The following GTF3C5 variants were observed in gnomAD, a reference collection of about 807,000 sequenced individuals.
GTF3C5 encodes general transcription factor 3C polypeptide 5.
GTF3C5 carries 47 observed loss-of-function variants against 61.0 expected under a neutral mutation model. The observed-to-expected ratio is 0.77, with a 90% confidence interval of 0.61 to 0.98. The LOEUF (loss-of-function observed/expected upper bound fraction) is 0.98, where lower values mean the gene tolerates loss of function less well. GTF3C5 is among the 50% of genes least tolerant of loss of function. The pLI is 0.00. For missense variants in GTF3C5, 659 were observed against 703.3 expected (o/e 0.94, Z 0.71); for synonymous variants, 295 against 275.4 (o/e 1.07, Z -0.71).
Position 133,031,043 on chromosome 9 carries a change from G to T in GTF3C5, c.32G>T (p.Gly11Val), listed in dbSNP as rs1170733382. ...GCGGAGGCGGCCGATTTGGGGCTGG[G>T]GGCCGCCGTCCCCGTGGAGCTGAGG... MAAEAADLGL[G>V]AAVPVELRRE... is the part of the protein sequence containing the mutation. The change falls in exon 1 of 11, where the codon GGG becomes GTG. Residue 11 changes from glycine (G) to valine (V), a missense_variant. Coordinates refer to ENST00000372097, the MANE Select transcript of GTF3C5 (RefSeq NM_012087.4). 1.9e-6 allele frequency: 3 copies of T among 1,612,120 alleles called. No homozygotes were observed. The highest frequency in any genetic ancestry group is 2.5e-6 in the Non-Finnish European group (3 of 1,179,234).
chr9:133,031,945 G>A (rs906132044), intron 1 of GTF3C5, among the ~76,000 whole-genome samples: 1 of 152,146 alleles, frequency 6.6e-6, no homozygotes, highest in Non-Finnish European at 1.5e-5. Context: ...CTGAAACTAG[G>A]GGCAAGGAGG....
At chr9:133,045,059 C>CA (rs1850160543) in intron 3 of GTF3C5, among the ~76,000 whole-genome samples, 1 of 152,186 alleles carries the variant, frequency 6.6e-6, no homozygotes, top group South Asian at 2.1e-4. Flanking sequence ...GTCAAATTGT[C>CA]AAATGCCATA....
In GTF3C5 at chr9:133,046,009, C is replaced by T. The variant is rs189421576; in HGVS notation, c.572+2083C>T. ...TAATTGTTCCATAGCATGTTTTAAG[C>T]TTCCAAAAATGCAGCCCTCAAGAGA... On this transcript the variant is annotated intron_variant, in intron 3 of 10. Coordinates refer to ENST00000372097, the MANE Select transcript of GTF3C5 (RefSeq NM_012087.4). Among the ~76,000 whole-genome samples, 151 of 152,242 alleles carry T rather than the reference C, an allele frequency of 9.9e-4. 2 individuals are homozygous for T. Among genetic ancestry groups the T allele is most frequent in the Admixed American group, 9.7e-3 (148 of 15,292 alleles).
intron 3 of GTF3C5, among the ~76,000 whole-genome samples, chr9:133,046,464 G>C (rs1462709277): frequency 6.6e-6 from 1 of 152,226 alleles, no homozygotes; most frequent in Non-Finnish European, 1.5e-5. Context: ...ATAAATGGTG[G>C]TGTGATAACA....
At chr9:133,041,176 A>G (rs1391817714) in intron 1 of GTF3C5, among the ~76,000 whole-genome samples, 1 of 152,146 alleles carries the variant, frequency 6.6e-6, no homozygotes, top group Admixed American at 6.5e-5. Context: ...TCAAGGAAAA[A>G]CACCCGCTAC....
chr9:133,038,617 A>ATT (rs1325805618), intron 1 of GTF3C5, among the ~76,000 whole-genome samples: 2 of 148,074 alleles, frequency 1.4e-5, no homozygotes, highest in African/African-American at 5.0e-5. Flanking sequence ...CGCCCGGCTA[A>ATT]TTTTTGTTTT....
At position 133,054,767 on chromosome 9, in the gene GTF3C5, G is replaced by A. The variant is rs749038131; in HGVS notation, c.1125G>A (p.Thr375=). Reference sequence around the variant, plus strand: ...AGCAGGGCCTGGGCCCGTCGGGGACGAGTGGTGCTCGGAAACCAGCTTCCA... The same window carrying A: ...AGCAGGGCCTGGGCCCGTCGGGGACAAGTGGTGCTCGGAAACCAGCTTCCA... ...DLKQGLGPSG[T]SGARKPASSK... is the part of the protein sequence containing the mutation. The change falls in exon 8 of 11, where the codon ACG becomes ACA. Residue 375 remains threonine (T), a synonymous_variant. Transcript: ENST00000372097. The A allele has an allele frequency of 8.2e-6, 13 of 1,584,878 alleles. No individual in the cohort carries two copies. Among genetic ancestry groups the A allele is most frequent in the Middle Eastern group, 1.7e-4 (1 of 6,048 alleles).
chr9:133,033,670 C>T (rs751715244), intron 1 of GTF3C5, among the ~76,000 whole-genome samples: 4 of 152,114 alleles, frequency 2.6e-5, no homozygotes, highest in Non-Finnish European at 4.4e-5. Context: ...AAAGAGCTAC[C>T]GTACAGCCCA....
At chr9:133,057,690 C>T (rs1272431727) in intron 10 of GTF3C5, 124 bp from the exon 11 acceptor site, 2 of 853,690 alleles carry the variant, frequency 2.3e-6, no homozygotes, top group African/African-American at 3.4e-5. Flanking sequence ...TACCCACCAG[C>T]TTCTTAAGAG....
At chr9:133,044,077 G>A (rs554422821) in intron 3 of GTF3C5, 151 bp downstream of exon 3, 58 of 595,106 alleles carry the variant, frequency 9.7e-5, no homozygotes, top group East Asian at 4.2e-4. Context: ...CCCAGGAGGC[G>A]GAGGTTGCAG....
chr9:133,051,466 C>T (rs1426060934), intron 4 of GTF3C5, among the ~76,000 whole-genome samples: 8 of 152,370 alleles, frequency 5.3e-5, no homozygotes, highest in Admixed American at 3.9e-4. Flanking sequence ...GCTTCCCTTA[C>T]GCAGTGTGCC....
intron 1 of GTF3C5, among the ~76,000 whole-genome samples, chr9:133,036,731 CAT>C (rs2118976560): frequency 6.6e-6 from 1 of 152,198 alleles, no homozygotes; most frequent in East Asian, 1.9e-4. Context: ...GTTTTTAGGG[CAT>C]ATGAGTCAAT....
chr9:133,058,182 G>T lies in GTF3C5; in HGVS notation c.*202G>T. ...TTGGTGCTGCCTCTGGTCCTGAGGGGTTAGGGACATCCCCAAAGGGTATAC... is the reference window on the plus strand; with the variant it reads ...TTGGTGCTGCCTCTGGTCCTGAGGGTTTAGGGACATCCCCAAAGGGTATAC... On this transcript the variant is annotated 3_prime_UTR_variant, in exon 11 of 11. Transcript: ENST00000372097. 2.1e-6 allele frequency: 3 copies of T among 1,396,532 alleles called. No individual in the cohort carries two copies. Among genetic ancestry groups the T allele is most frequent in the Non-Finnish European group, 2.8e-6 (3 of 1,073,156 alleles). 86.5% of individuals were successfully genotyped at this position (1,396,532 alleles called of 1,614,324 possible). A position where few individuals can be genotyped will look rare whatever the true frequency, so the allele number is the denominator to read the frequency against.
intron 1 of GTF3C5, among the ~76,000 whole-genome samples, chr9:133,037,753 C>T (rs189078522): frequency 1.3e-5 from 2 of 152,262 alleles, no homozygotes; most frequent in East Asian, 3.9e-4. Context: ...AACTCTGCGT[C>T]TTCTAAGATT....
intron 1 of GTF3C5, among the ~76,000 whole-genome samples, chr9:133,031,956 C>T (rs761091644): frequency 6.6e-6 from 1 of 151,852 alleles, no homozygotes; most frequent in Non-Finnish European, 1.5e-5. Context: ...GGCAAGGAGG[C>T]GTAAAGAACG....
chr9:133,051,046 C>T, intron 4 of GTF3C5, 68 bp downstream of exon 4: 2 of 1,251,206 alleles, frequency 1.6e-6, no homozygotes, highest in Non-Finnish European at 2.2e-6. Flanking sequence ...GTTTACCCAG[C>T]TGCTCCCTGT....
intron 1 of GTF3C5, among the ~76,000 whole-genome samples, chr9:133,036,238 G>C (rs1849856707): frequency 6.6e-6 from 1 of 152,164 alleles, no homozygotes; most frequent in African/African-American, 2.4e-5. Flanking sequence ...TAGGAGACCT[G>C]CTGGGTTAAG....
Position 133,058,083 on chromosome 9 carries a change from A to G in GTF3C5, c.*103A>G. 1 of 1,563,030 alleles carries G rather than the reference A, an allele frequency of 6.4e-7. No homozygotes were observed. Among genetic ancestry groups the G allele is most frequent in the Non-Finnish European group, 8.6e-7 (1 of 1,158,084 alleles). ...CACCCACAGTGCCCGGAATGGCCCT[A>G]GGAGGCCCTCTGAGGAGAGCTAGAG... On this transcript the variant is annotated 3_prime_UTR_variant, in exon 11 of 11. Coordinates refer to ENST00000372097, the MANE Select transcript of GTF3C5 (RefSeq NM_012087.4).
Position 133,043,863 on chromosome 9 carries a change from C to A in GTF3C5, c.509C>A (p.Pro170Gln), listed in dbSNP as rs376483496. 8 of 1,613,998 alleles carry A rather than the reference C, an allele frequency of 5.0e-6. No individual in the cohort carries two copies. The highest frequency in any genetic ancestry group is 6.8e-6 in the Non-Finnish European group (8 of 1,179,974). The change falls in exon 3 of 11, where the codon CCA becomes CAA. Residue 170 changes from proline (P) to glutamine (Q), a missense_variant. Transcript: ENST00000372097. The stretch of plus-strand genomic sequence containing the variant: ...CAGGAGCTGCCGCTCTACATCCCCC[C>A]ACCCATCTTCTCCCGGCTGGACGCC... ...FHQELPLYIP[P>Q]PIFSRLDAPV...
Sources: gnomAD v4.1 joint callset for allele counts (sites outside exome capture counted in the v4.1 genomes callset) on GRCh38, gnomAD v4.1.1 for gene constraint, MANE v1.5 for transcripts, NCBI Gene and HGNC (gene_info 2026-07-23, HGNC 2026-07-21) for gene names.